Variants in TBC1D31 observed in about 807,000 individuals in gnomAD.
The protein encoded by TBC1D31 is WD repeat domain 67.
A neutral mutation model predicts 132.9 loss-of-function variants in TBC1D31; 99 were observed. That is an observed-to-expected ratio of 0.74 (90% CI 0.63 to 0.88). The LOEUF (loss-of-function observed/expected upper bound fraction) is 0.88, where lower values mean the gene tolerates loss of function less well. Among genes scored for constraint, TBC1D31 ranks in the 40% least tolerant of loss-of-function variants. The pLI is 0.00. For missense variants in TBC1D31, 1,134 were observed against 1,256.6 expected, an observed-to-expected ratio of 0.90 and a Z score of 1.48; for synonymous variants, 385 against 419.4, an observed-to-expected ratio of 0.92 and a Z score of 1.00.
chr8:123,122,552 G>C (rs1301540459), intron 11 of TBC1D31, among the ~76,000 whole-genome samples: 3 of 152,248 alleles, frequency 2.0e-5, no homozygotes, highest in Admixed American at 6.5e-5. Flanking sequence ...CAGAGAGCTA[G>C]TCCTGAATGG....
Position 123,093,721 on chromosome 8 carries a change from A to G in TBC1D31, c.650A>G (p.Tyr217Cys), listed in dbSNP as rs777440242. The G allele has an allele frequency of 1.3e-6, 2 of 1,598,300 alleles. No homozygotes were observed. The highest frequency in any genetic ancestry group is 1.7e-6 in the Non-Finnish European group (2 of 1,170,148). ...CCACCTGAAAGCTCTAGTATATTAT[A>G]CAAAGTGTTTGCTGTAACCAGGTAA... Reference protein sequence around the residue: ...PAPPESSSILYKVFAVTRDGR... With the variant: ...PAPPESSSILCKVFAVTRDGR... The change falls in exon 5 of 22, where the codon TAC (tyrosine) becomes TGC (cysteine). Residue 217 changes from tyrosine to cysteine, a missense_variant. Coordinates refer to ENST00000287380, the MANE Select transcript of TBC1D31 (RefSeq NM_145647.4).
At chr8:123,107,135 G>T (rs1431184990) in intron 8 of TBC1D31, among the ~76,000 whole-genome samples, 2 of 152,224 alleles carry the variant, frequency 1.3e-5, no homozygotes, top group African/African-American at 4.8e-5. Context: ...TGTACAAACA[G>T]TTTAAGCACA....
Position 123,140,879 on chromosome 8 carries a change from C to T in TBC1D31, c.2618C>T (p.Thr873Ile). The T allele has an allele frequency of 6.2e-7, 1 of 1,613,354 alleles. No individual in the cohort carries two copies. Among genetic ancestry groups the T allele is most frequent in the Non-Finnish European group, 8.5e-7 (1 of 1,179,832 alleles). ...CATAAGCTGATAGAAGCAGGTGAAA[C>T]CCAGAGCCAGAAAACTCAGAAGGTA... is the stretch of plus-strand genomic sequence containing the variant. The part of the protein sequence containing the change: ...MFHKLIEAGE[T>I]QSQKTQKVIK... Residue 873 changes from threonine (T) to isoleucine (I), a missense_variant, in exon 18 of 22, where the codon ACC (threonine) becomes ATC (isoleucine). Physicochemically the swap from Thr to Ile is moderately conservative, Grantham distance 89. Coordinates refer to ENST00000287380, the MANE Select transcript of TBC1D31 (RefSeq NM_145647.4).
chr8:123,106,710 A>G (rs1817965354), intron 8 of TBC1D31, among the ~76,000 whole-genome samples: 1 of 152,212 alleles, frequency 6.6e-6, no homozygotes. Context: ...TTACAGCTTA[A>G]TGAAAAGTAA....
In TBC1D31 at chr8:123,140,792, A is replaced by G. The variant is rs1451450080; in HGVS notation, c.2531A>G (p.Lys844Arg). Residue 844 changes from lysine (K) to arginine (R), a missense_variant, in exon 18 of 22, where the codon AAA (lysine) becomes AGA (arginine). By Grantham distance (26) the Lys-to-Arg change is conservative. Coordinates refer to ENST00000287380, the MANE Select transcript of TBC1D31 (RefSeq NM_145647.4). ...NLTENQEALA[K>R]EMRADADAYR... is the part of the protein sequence containing the mutation. ...ACTGAAAATCAAGAAGCTCTTGCAA[A>G]AGAAATGCGAGCAGATGCAGATGCC... 1 of 1,607,616 alleles carries G rather than the reference A, an allele frequency of 6.2e-7. No individual in the cohort carries two copies. The highest frequency in any genetic ancestry group is 8.5e-7 in the Non-Finnish European group (1 of 1,178,578).
chr8:123,082,343 C>T (rs1223137566), intron 2 of TBC1D31, among the ~76,000 whole-genome samples: 1 of 151,964 alleles, frequency 6.6e-6, no homozygotes, highest in Non-Finnish European at 1.5e-5. Flanking sequence ...CTCTGCTTGG[C>T]TTCTGAAACC....
chr8:123,120,446 C>T (rs1192500519), intron 11 of TBC1D31, among the ~76,000 whole-genome samples: 6 of 152,080 alleles, frequency 3.9e-5, no homozygotes, highest in Non-Finnish European at 7.4e-5. Flanking sequence ...CTGAGGCAGG[C>T]GGATCACCTG....
At chr8:123,089,005 T>C (rs1288428302) in intron 4 of TBC1D31, among the ~76,000 whole-genome samples, 2 of 152,174 alleles carry the variant, frequency 1.3e-5, no homozygotes, top group African/African-American at 4.8e-5. Context: ...TTATCTTATG[T>C]ATGGGAAAAA....
At chr8:123,145,692 T>TAA (rs11434734) in intron 20 of TBC1D31, among the ~76,000 whole-genome samples, 11,075 of 141,412 alleles carry the variant, frequency 0.078, 430 homozygotes, top group African/African-American at 0.088. Flanking sequence ...CCTGTCTCTT[T>TAA]AAAAAAAAAA....
chr8:123,073,390 A>G lies in TBC1D31; in HGVS notation c.77+544A>G, dbSNP rs1430803299. 9.0e-5 allele frequency: 41 copies of G among 456,180 alleles called. 1 individual carries two copies. Among genetic ancestry groups the G allele is most frequent in the African/African-American group, 1.8e-4 (9 of 50,082 alleles). 28.3% of individuals were successfully genotyped at this position (456,180 alleles called of 1,614,324 possible). A position where few individuals can be genotyped will look rare whatever the true frequency, so the allele number is the denominator to read the frequency against. On this transcript the variant is annotated intron_variant, in intron 1 of 21. Coordinates refer to ENST00000287380, the MANE Select transcript of TBC1D31 (RefSeq NM_145647.4). Reference sequence around the variant, plus strand: ...TCTAAGCGCTGGGGACGGCGATGGAACAAAACACACTTCCGGTTCTCTGGA... The same window carrying G: ...TCTAAGCGCTGGGGACGGCGATGGAGCAAAACACACTTCCGGTTCTCTGGA...
intron 16 of TBC1D31, among the ~76,000 whole-genome samples, chr8:123,131,655 T>C (rs1169456272): frequency 6.6e-6 from 1 of 152,214 alleles, no homozygotes; most frequent in Non-Finnish European, 1.5e-5. Context: ...TTTTGCAAAT[T>C]ACAAAACCAT....
intron 5 of TBC1D31, among the ~76,000 whole-genome samples, chr8:123,094,097 C>G (rs1816617584): frequency 1.3e-5 from 2 of 151,828 alleles, no homozygotes; most frequent in Admixed American, 1.3e-4. Flanking sequence ...TGGAGTCTCA[C>G]TCTGTCACCC....
chr8:123,133,687 C>T (rs2130843880), intron 16 of TBC1D31, among the ~76,000 whole-genome samples: 1 of 152,234 alleles, frequency 6.6e-6, no homozygotes, highest in African/African-American at 2.4e-5. Flanking sequence ...GAACCATCTG[C>T]AAGAAATTTA....
At chr8:123,084,679 A>C (rs1190774341) in intron 4 of TBC1D31, among the ~76,000 whole-genome samples, 1 of 152,196 alleles carries the variant, frequency 6.6e-6, no homozygotes, top group Non-Finnish European at 1.5e-5. Context: ...ACACGTGTAC[A>C]TTCAGTATCT....
chr8:123,142,329 T>C lies in TBC1D31; in HGVS notation c.2708T>C (p.Leu903Ser). The change falls in exon 19 of 22, where the codon TTA becomes TCA. Residue 903 changes from leucine (L) to serine (S), a missense_variant. Leu to Ser is a moderately radical substitution (Grantham distance 145, BLOSUM62 -2). Transcript: ENST00000287380. The stretch of plus-strand genomic sequence containing the variant: ...AATACCGACTGGCAGATTCAGTCTT[T>C]ACATAAACAAAAATGTGATGATCTA... ...CLNTDWQIQS[L>S]HKQKCDDLQR... is the part of the protein sequence containing the mutation. The C allele has an allele frequency of 5.0e-6, 8 of 1,610,712 alleles. No individual in the cohort carries two copies. Among genetic ancestry groups the C allele is most frequent in the Non-Finnish European group, 6.8e-6 (8 of 1,178,922 alleles).
At chr8:123,076,772 G>A (rs1324427561) in intron 1 of TBC1D31, among the ~76,000 whole-genome samples, 1 of 152,162 alleles carries the variant, frequency 6.6e-6, no homozygotes. Context: ...CTGTTTATAT[G>A]TGTGTTTATT....
chr8:123,130,063 C>A, intron 15 of TBC1D31, 135 bp from the exon 16 acceptor site: 1 of 842,172 alleles, frequency 1.2e-6, no homozygotes, highest in Non-Finnish European at 1.7e-6. Flanking sequence ...AACGGTGGAG[C>A]AGTTCTCGCA....
At chr8:123,147,105 A>G (rs1822287793) in intron 20 of TBC1D31, among the ~76,000 whole-genome samples, 1 of 152,116 alleles carries the variant, frequency 6.6e-6, no homozygotes, top group Non-Finnish European at 1.5e-5. Context: ...AAACTGGCTT[A>G]CAAAAGATAC....
chr8:123,149,412 G>T (rs1250165245), intron 20 of TBC1D31, among the ~76,000 whole-genome samples: 1 of 152,196 alleles, frequency 6.6e-6, no homozygotes, highest in Non-Finnish European at 1.5e-5. Flanking sequence ...AGATGCTAGC[G>T]GTGGGAGTAG....
Sources: gnomAD v4.1 joint callset for allele counts (sites outside exome capture counted in the v4.1 genomes callset) on GRCh38, gnomAD v4.1.1 for gene constraint, MANE v1.5 for transcripts, NCBI Gene and HGNC (gene_info 2026-07-23, HGNC 2026-07-21) for gene names.